The following DOCK1 variants were observed in gnomAD, a reference collection of about 807,000 sequenced individuals.
The protein encoded by DOCK1 is dedicator of cytokinesis 1.
Under a neutral mutation model 262.7 loss-of-function variants are expected in DOCK1, and 138 were observed. The ratio of observed to expected loss-of-function variants is 0.53; its 90% CI spans 0.46 to 0.61. The LOEUF (loss-of-function observed/expected upper bound fraction) is 0.61, where lower values mean the gene tolerates loss of function less well. Ranked by LOEUF, DOCK1 falls within the 20% of genes least tolerant of loss-of-function variation. The pLI is 0.00. For synonymous variants in DOCK1, 866 were observed against 867.4 expected (o/e 1.00, Z 0.03); for missense variants, 1,908 against 2,370.7 (o/e 0.80, Z 4.05).
chr10:127,318,320 A>G (rs895857885), intron 29 of DOCK1, among the ~76,000 whole-genome samples: 2 of 152,174 alleles, frequency 1.3e-5, no homozygotes, highest in East Asian at 3.9e-4. Context: ...GGCACACTGG[A>G]CATTGCTTGA....
At chr10:127,239,157 G>A (rs2059174384) in intron 27 of DOCK1, among the ~76,000 whole-genome samples, 1 of 152,134 alleles carries the variant, frequency 6.6e-6, no homozygotes, top group Admixed American at 6.6e-5. Context: ...TAAGCATTAG[G>A]CATTTATGAC....
intron 1 of DOCK1, among the ~76,000 whole-genome samples, chr10:126,951,299 G>A (rs2036208120): frequency 2.6e-5 from 4 of 151,274 alleles, no homozygotes; most frequent in Non-Finnish European, 4.4e-5. Flanking sequence ...GGTAGTGTTA[G>A]TAGTGGTAGT....
intron 23 of DOCK1, among the ~76,000 whole-genome samples, chr10:127,083,941 T>G (rs888821340): frequency 6.6e-6 from 1 of 152,234 alleles, no homozygotes; most frequent in Admixed American, 6.5e-5. Flanking sequence ...AATGTAGTGA[T>G]GAGATTCTGG....
intron 27 of DOCK1, among the ~76,000 whole-genome samples, chr10:127,194,982 G>A (rs1011087729): frequency 9.0e-6 from 1 of 111,350 alleles, no homozygotes; most frequent in Non-Finnish European, 1.9e-5. Context: ...AGAGGGGTCC[G>A]GGCGGGAGCC....
chr10:127,255,541 C>T (rs1053109601), intron 28 of DOCK1, among the ~76,000 whole-genome samples: 1 of 152,182 alleles, frequency 6.6e-6, no homozygotes, highest in Non-Finnish European at 1.5e-5. Flanking sequence ...AAGGCAAACA[C>T]AGTTGTTAGG....
intron 29 of DOCK1, among the ~76,000 whole-genome samples, chr10:127,320,015 T>A (rs2062449207): frequency 6.6e-6 from 1 of 152,162 alleles, no homozygotes; most frequent in Non-Finnish European, 1.5e-5. Flanking sequence ...GGCCATGGAA[T>A]CTGCCTCGTG....
intron 35 of DOCK1, among the ~76,000 whole-genome samples, chr10:127,379,426 A>G (rs2065707327): frequency 1.3e-5 from 2 of 152,224 alleles, no homozygotes; most frequent in South Asian, 4.1e-4. Flanking sequence ...GAACAGTGCT[A>G]TCTACCAGAA....
intron 38 of DOCK1, among the ~76,000 whole-genome samples, chr10:127,402,245 C>T (rs1341698191): frequency 6.6e-6 from 1 of 152,104 alleles, no homozygotes; most frequent in Non-Finnish European, 1.5e-5. Flanking sequence ...GCAGCAGGAT[C>T]CTGGGTCTTT....
At chr10:127,208,924 T>G (rs1564904938) in intron 27 of DOCK1, among the ~76,000 whole-genome samples, 2 of 152,232 alleles carry the variant, frequency 1.3e-5, no homozygotes, top group South Asian at 4.1e-4. Context: ...TTAATTAAAT[T>G]TAGTTCACTG....
intron 25 of DOCK1, among the ~76,000 whole-genome samples, chr10:127,113,181 T>A (rs1487763078): frequency 6.6e-6 from 1 of 152,220 alleles, no homozygotes; most frequent in Non-Finnish European, 1.5e-5. Context: ...TTGTCCTGTT[T>A]CCTGATCCCA....
At chr10:127,011,636 G>A (rs2041455342) in intron 11 of DOCK1, among the ~76,000 whole-genome samples, 1 of 152,174 alleles carries the variant, frequency 6.6e-6, no homozygotes, top group Non-Finnish European at 1.5e-5. Context: ...GGTGGTCTGT[G>A]TTCATAACAG....
At chr10:127,182,829 T>C (rs1444372217) in intron 27 of DOCK1, among the ~76,000 whole-genome samples, 2 of 152,144 alleles carry the variant, frequency 1.3e-5, no homozygotes, top group Non-Finnish European at 2.9e-5. Context: ...GGCTGTGCTT[T>C]GAACACAGCT....
chr10:127,046,834 G>A (rs771568152), intron 21 of DOCK1, among the ~76,000 whole-genome samples: 4 of 150,146 alleles, frequency 2.7e-5, no homozygotes, highest in Admixed American at 1.3e-4. Flanking sequence ...ATCCATAATT[G>A]CAGTGAAGGT....
chr10:127,071,082 C>G (rs2046204800), intron 23 of DOCK1, among the ~76,000 whole-genome samples: 1 of 152,096 alleles, frequency 6.6e-6, no homozygotes, highest in Admixed American at 6.6e-5. Context: ...AAGAAAGACT[C>G]AGCAGAAGAA....
At chr10:127,414,787 T>C (rs1467365439) in intron 43 of DOCK1, among the ~76,000 whole-genome samples, 3 of 152,266 alleles carry the variant, frequency 2.0e-5, no homozygotes, top group African/African-American at 7.2e-5. Context: ...CTGTAGCTAA[T>C]GTAAGACTTC....
intron 27 of DOCK1, among the ~76,000 whole-genome samples, chr10:127,167,097 CCTT>C (rs1158530745): frequency 2.0e-5 from 3 of 151,552 alleles, no homozygotes; most frequent in Non-Finnish European, 2.9e-5. Context: ...AGATGGAAAG[CCTT>C]ATTATTTTTT....
At chr10:127,011,923 G>T (rs1459281698) in intron 11 of DOCK1, among the ~76,000 whole-genome samples, 3 of 152,138 alleles carry the variant, frequency 2.0e-5, no homozygotes, top group Non-Finnish European at 4.4e-5. Flanking sequence ...CAACCATGTG[G>T]CTTTCAGACA....
chr10:127,055,466 T>C (rs1454456162), intron 22 of DOCK1, among the ~76,000 whole-genome samples: 1 of 152,228 alleles, frequency 6.6e-6, no homozygotes, highest in Non-Finnish European at 1.5e-5. Context: ...GCCAGAACCA[T>C]GTCACATGAC....
intron 47 of DOCK1, among the ~76,000 whole-genome samples, chr10:127,432,099 C>A (rs2069330953): frequency 6.6e-6 from 1 of 152,144 alleles, no homozygotes; most frequent in South Asian, 2.1e-4. Flanking sequence ...ATCCTGAAAC[C>A]ATCTCCTGCT....
Sources: gnomAD v4.1 joint callset for allele counts (sites outside exome capture counted in the v4.1 genomes callset) on GRCh38, gnomAD v4.1.1 for gene constraint, MANE v1.5 for transcripts, NCBI Gene and HGNC (gene_info 2026-07-23, HGNC 2026-07-21) for gene names.